Variants in ZNF382 observed in about 807,000 individuals in gnomAD.
The protein encoded by ZNF382 is KRAB/zinc finger suppressor protein 1.
Under a neutral mutation model 38.8 loss-of-function variants are expected in ZNF382, and 20 were observed. The observed-to-expected ratio is 0.51, with a 90% CI of 0.36 to 0.75. The LOEUF is 0.75. Ranked by LOEUF, ZNF382 falls within the 30% of genes least tolerant of loss-of-function variation. ZNF382 has a pLI of 0.00. For missense variants in ZNF382, 546 were observed against 654.1 expected, an observed-to-expected ratio of 0.83 and a Z score of 1.80; for synonymous variants, 202 against 223.1, an observed-to-expected ratio of 0.91 and a Z score of 0.84.
chr19:36,627,168 C>T lies in ZNF382; in HGVS notation c.1271C>T (p.Thr424Ile), dbSNP rs2037221505. 6.2e-7 allele frequency: 1 copy of T among 1,614,088 alleles called. No individual in the cohort carries two copies. Among genetic ancestry groups the T allele is most frequent in the Non-Finnish European group, 8.5e-7 (1 of 1,180,014 alleles). Reference sequence around the variant, plus strand: ...GCATTTATCCAGAAGACAACCCTCACTGTTCATCAGAGAACTCACACAGGA... The same window carrying T: ...GCATTTATCCAGAAGACAACCCTCATTGTTCATCAGAGAACTCACACAGGA... ...GKAFIQKTTLTVHQRTHTGEK... is the reference protein window; with the variant it reads ...GKAFIQKTTLIVHQRTHTGEK... Residue 424 changes from threonine (T) to isoleucine (I), a missense_variant, in exon 5 of 5, where the codon ACT (threonine) becomes ATT (isoleucine). Transcript: ENST00000292928.
chr19:36,614,706 C>T (rs2037107084), intron 4 of ZNF382, among the ~76,000 whole-genome samples: 1 of 151,988 alleles, frequency 6.6e-6, no homozygotes, highest in African/African-American at 2.4e-5. Flanking sequence ...GTGGGTGGAT[C>T]ACCTGAGGTC....
intron 4 of ZNF382, among the ~76,000 whole-genome samples, chr19:36,618,480 T>C (rs554604368): frequency 6.6e-6 from 1 of 152,182 alleles, no homozygotes; most frequent in Non-Finnish European, 1.5e-5. Flanking sequence ...CAAGTTAGGG[T>C]AGCTCTGAAC....
intron 4 of ZNF382, among the ~76,000 whole-genome samples, chr19:36,624,443 A>C (rs775892234): frequency 2.0e-5 from 3 of 152,242 alleles, no homozygotes; most frequent in Non-Finnish European, 4.4e-5. Flanking sequence ...TAACAATGTT[A>C]ATCATAGGTA....
At chr19:36,616,554 A>G (rs913779093) in intron 4 of ZNF382, among the ~76,000 whole-genome samples, 8 of 152,142 alleles carry the variant, frequency 5.3e-5, no homozygotes, top group African/African-American at 1.4e-4. Context: ...GCTCCACTTT[A>G]TATTTTTATC....
rs970528940 is a variant in ZNF382, at chr19:36,631,506, G to A, written c.*3956G>A. On this transcript the variant is annotated 3_prime_UTR_variant, in exon 5 of 5. Coordinates refer to ENST00000292928, the MANE Select transcript of ZNF382 (RefSeq NM_032825.5). ...GGGTTCAAGTGATTCTCCTGCCTCAGCCTCATGAGTAGCTGGGACTACAGG... is the reference window on the plus strand; with the variant it reads ...GGGTTCAAGTGATTCTCCTGCCTCAACCTCATGAGTAGCTGGGACTACAGG... The A allele has an allele frequency of 6.6e-6, 1 of 151,908 alleles. No homozygotes were observed. The allele number at this position is 151,908 out of a possible 1,614,324, so 9.4% of individuals were successfully genotyped here. A position where few individuals can be genotyped will look rare whatever the true frequency, so the allele number is the denominator to read the frequency against.
At chr19:36,609,860 G>T (rs2037063056) in intron 2 of ZNF382, 42 bp from the exon 3 acceptor site, 3 of 1,534,558 alleles carry the variant, frequency 2.0e-6, no homozygotes, top group Non-Finnish European at 1.8e-6. Context: ...GTCAGTACTA[G>T]GTCTCCAATA....
chr19:36,609,762 A>G (rs946687592), intron 2 of ZNF382, 140 bp from the exon 3 acceptor site: 9 of 788,518 alleles, frequency 1.1e-5, no homozygotes, highest in Non-Finnish European at 1.5e-5. Context: ...GCATGAGATT[A>G]TAAGTAAATA....
chr19:36,616,450 A>G lies in ZNF382; in HGVS notation c.232+5708A>G, dbSNP rs538383664. 1.1e-4 allele frequency among the ~76,000 whole-genome samples: 16 copies of G among 152,362 alleles called. No homozygotes were observed. The East Asian group carries it at 3.1e-3, about 29-fold the overall frequency. On this transcript the variant is annotated intron_variant, in intron 4 of 4. Transcript: ENST00000292928. Reference sequence around the variant, plus strand: ...ATATACATAACATACATACATAGACATACATAGGCGGACAGACCCAAACAG... The same window carrying G: ...ATATACATAACATACATACATAGACGTACATAGGCGGACAGACCCAAACAG...
intron 3 of ZNF382, chr19:36,610,389 G>A (rs984961478): frequency 1.0e-5 from 4 of 383,892 alleles, no homozygotes; most frequent in East Asian, 5.9e-5. Flanking sequence ...CCTGGGAGAC[G>A]AGGTTGCAGT....
Position 36,626,690 on chromosome 19 carries a change from A to G in ZNF382, c.793A>G (p.Lys265Glu). Residue 265 changes from lysine (K) to glutamate (E), a missense_variant, in exon 5 of 5, where the codon AAG (lysine) becomes GAG (glutamate). By Grantham distance (56) the Lys-to-Glu change is moderately conservative (BLOSUM62 1). Coordinates refer to ENST00000292928, the MANE Select transcript of ZNF382 (RefSeq NM_032825.5). ...LSVHPSNLME[K>E]KPSAYNKYGK... ...TGTCCATCCAAGTAATCTTATGGAA[A>G]AGAAGCCCTCTGCCTACAACAAATA... The G allele has an allele frequency of 1.2e-6, 2 of 1,613,956 alleles. No homozygotes were observed. Among genetic ancestry groups the G allele is most frequent in the Non-Finnish European group, 1.7e-6 (2 of 1,180,018 alleles).
Position 36,627,644 on chromosome 19 carries a change from T to C in ZNF382, c.*94T>C. 1.2e-6 allele frequency: 1 copy of C among 844,724 alleles called. No homozygotes were observed. Among genetic ancestry groups the C allele is most frequent in the South Asian group, 1.8e-5 (1 of 56,986 alleles). 52.3% of individuals were successfully genotyped at this position (844,724 alleles called of 1,614,324 possible). A position where few individuals can be genotyped will look rare whatever the true frequency, so the allele number is the denominator to read the frequency against. ...CGTAATATCCAACAGTTTAAGGTAC[T>C]ATACCACATGGTAACCTACTGTTTG... On this transcript the variant is annotated 3_prime_UTR_variant, in exon 5 of 5. Transcript: ENST00000292928.
Position 36,632,749 on chromosome 19 carries a change from C to G in ZNF382, c.*5199C>G, listed in dbSNP as rs2037261634. ...CAGTCTGACTGTAAATCAGCTCCATCTTATAAACATGGTTCCTATAACTGC... is the reference window on the plus strand; with the variant it reads ...CAGTCTGACTGTAAATCAGCTCCATGTTATAAACATGGTTCCTATAACTGC... On this transcript the variant is annotated 3_prime_UTR_variant, in exon 5 of 5. Coordinates refer to ENST00000292928, the MANE Select transcript of ZNF382 (RefSeq NM_032825.5). 6.6e-6 allele frequency: 1 copy of G among 152,222 alleles called. No individual in the cohort carries two copies. The highest frequency in any genetic ancestry group is 2.1e-4 in the South Asian group (1 of 4,830). The allele number at this position is 152,222 out of a possible 1,614,324, so 9.4% of individuals were successfully genotyped here.
chr19:36,626,566 G>T lies in ZNF382; in HGVS notation c.669G>T (p.Met223Ile). Residue 223 changes from methionine to isoleucine, a missense_variant, in exon 5 of 5, where the codon ATG (methionine) becomes ATT (isoleucine). Physicochemically the swap from Met to Ile is conservative, Grantham distance 10. Coordinates refer to ENST00000292928, the MANE Select transcript of ZNF382 (RefSeq NM_032825.5). ...DHNECEKSFL[M>I]KGMLFTHTRA... is the part of the protein sequence containing the mutation. ...ATGAATGTGAAAAATCCTTCCTGAT[G>T]AAAGGAATGCTATTTACACATACTA... 6.2e-7 allele frequency: 1 copy of T among 1,613,708 alleles called. No individual in the cohort carries two copies. The highest frequency in any genetic ancestry group is 1.7e-5 in the Admixed American group (1 of 59,922).
chr19:36,617,087 G>C (rs2037131659), intron 4 of ZNF382, among the ~76,000 whole-genome samples: 1 of 151,950 alleles, frequency 6.6e-6, no homozygotes, highest in South Asian at 2.1e-4. Flanking sequence ...GAAGTAGAGG[G>C]AGTTGGCAGA....
At chr19:36,611,513 T>C (rs2037077872) in intron 4 of ZNF382, among the ~76,000 whole-genome samples, 1 of 152,224 alleles carries the variant, frequency 6.6e-6, no homozygotes, top group Non-Finnish European at 1.5e-5. Context: ...TTCTGTTGTA[T>C]GTATATACTA....
chr19:36,627,087 A>G lies in ZNF382; in HGVS notation c.1190A>G (p.Asp397Gly), dbSNP rs1003622333. The change falls in exon 5 of 5, where the codon GAT (aspartate) becomes GGT (glycine). Residue 397 changes from aspartate (D) to glycine (G), a missense_variant. Physicochemically the swap from Asp to Gly is moderately conservative, Grantham distance 94 (BLOSUM62 -1). Transcript: ENST00000292928. The part of the protein sequence containing the change: ...SAFRKKSYLI[D>G]HQRTHTGEKP... ...TTTAGGAAGAAGTCATACCTCATTGATCACCAGAGAACTCACACAGGAGAG... is the reference window on the plus strand; with the variant it reads ...TTTAGGAAGAAGTCATACCTCATTGGTCACCAGAGAACTCACACAGGAGAG... The G allele has an allele frequency of 6.2e-7, 1 of 1,613,972 alleles. No homozygotes were observed. Among genetic ancestry groups the G allele is most frequent in the Non-Finnish European group, 8.5e-7 (1 of 1,179,978 alleles).
Position 36,627,240 on chromosome 19 carries a change from A to G in ZNF382, c.1343A>G (p.Lys448Arg). ...CNECGKSFCQ[K>R]TTLTLHQRIH... ...GAATGTGGGAAGTCCTTCTGCCAAA[A>G]GACAACCCTCACTCTCCACCAGAGA... The change falls in exon 5 of 5, where the codon AAG (lysine) becomes AGG (arginine). Residue 448 changes from lysine (K) to arginine (R), a missense_variant. Lys to Arg is a conservative substitution (Grantham distance 26). Coordinates refer to ENST00000292928, the MANE Select transcript of ZNF382 (RefSeq NM_032825.5). 1 of 1,613,976 alleles carries G rather than the reference A, an allele frequency of 6.2e-7. No individual in the cohort carries two copies. The highest frequency in any genetic ancestry group is 8.5e-7 in the Non-Finnish European group (1 of 1,179,978).
chr19:36,627,547 G>C lies in ZNF382; in HGVS notation c.1650G>C (p.Gln550His). Residue 550 changes from glutamine (Q) to histidine (H), a missense_variant, in exon 5 of 5, where the codon CAG (glutamine) becomes CAC (histidine). Physicochemically the swap from Gln to His is conservative, Grantham distance 24. Transcript: ENST00000292928. Reference sequence around the variant, plus strand: ...ACAAGGTAGAAACCACGGGAATTCAGTAAGTAATGTGGCTTTTTTTGTAAA... The same window carrying C: ...ACAAGGTAGAAACCACGGGAATTCACTAAGTAATGTGGCTTTTTTTGTAAA... ...KTHKVETTGIQ is the reference protein window; with the variant it reads ...KTHKVETTGIH 1 of 1,604,762 alleles carries C rather than the reference G, an allele frequency of 6.2e-7. No homozygotes were observed. Among genetic ancestry groups the C allele is most frequent in the East Asian group, 2.2e-5 (1 of 44,732 alleles).
chr19:36,608,948 T>C (rs997394185), intron 2 of ZNF382: 2 of 152,280 alleles, frequency 1.3e-5, no homozygotes, highest in Non-Finnish European at 2.9e-5. Flanking sequence ...GTCAGCCCGC[T>C]GACACTTCCT....
Sources: allele counts gnomAD v4.1 joint callset (sites outside exome capture counted in the v4.1 genomes callset), GRCh38; gene constraint gnomAD v4.1.1; transcripts MANE v1.5; gene names NCBI Gene and HGNC (gene_info 2026-07-23, HGNC 2026-07-21).